WDR25: variants seen among roughly 807,000 people sequenced by gnomAD.
WDR25 encodes WD repeat-containing protein 25.
In WDR25, 35 loss-of-function variants were observed where a neutral mutation model predicts 47.7. That is an observed-to-expected ratio of 0.73 (90% confidence interval 0.56 to 0.97). WDR25 has a LOEUF of 0.97. WDR25 is among the 50% of genes least tolerant of loss of function. The pLI is 0.00. For missense variants in WDR25, 634 were observed against 704.7 expected (o/e 0.90, Z 1.14); for synonymous variants, 248 against 278.9 (o/e 0.89, Z 1.10).
chr14:100,396,060 T>C (rs1170790521), intron 2 of WDR25, among the ~76,000 whole-genome samples: 3 of 146,618 alleles, frequency 2.0e-5, no homozygotes, highest in African/African-American at 7.6e-5. Flanking sequence ...CACTGCAAGC[T>C]CCGCCTTCCG....
intron 4 of WDR25, among the ~76,000 whole-genome samples, chr14:100,497,592 G>A (rs980814993): frequency 6.6e-6 from 1 of 152,154 alleles, no homozygotes. Flanking sequence ...TTTACTTTTC[G>A]AGTCCTCAGG....
rs1424603921 is a variant in WDR25, at chr14:100,381,173, T to C, written c.249T>C (p.Leu83=). The change falls in exon 2 of 7, where the codon CTT becomes CTC. Residue 83 remains leucine, a synonymous_variant. Coordinates refer to ENST00000402312, the MANE Select transcript of WDR25 (RefSeq NM_001161476.3). ...GCTATCGCCTTCCATTGGCTCAGCT[T>C]GGGAGAAGCGATTGGGGATCTTGCC... ...PGGYRLPLAQ[L]GRSDWGSCPS... is the part of the protein sequence containing the mutation. 1 of 1,614,190 alleles carries C rather than the reference T, an allele frequency of 6.2e-7. No individual in the cohort carries two copies. Among genetic ancestry groups the C allele is most frequent in the Non-Finnish European group, 8.5e-7 (1 of 1,180,026 alleles).
intron 1 of WDR25, 114 bp downstream of exon 1, chr14:100,376,609 C>G: frequency 1.6e-6 from 2 of 1,231,968 alleles, no homozygotes; most frequent in East Asian, 3.2e-5. Context: ...CCTTTCACTT[C>G]CTGTTCCTTC....
At chr14:100,519,878 ATG>A (rs1901652465) in intron 4 of WDR25, among the ~76,000 whole-genome samples, 1 of 135,958 alleles carries the variant, frequency 7.4e-6, no homozygotes, top group Non-Finnish European at 1.5e-5. Flanking sequence ...TATACACTAT[ATG>A]TATATATGTA....
At chr14:100,394,903 T>C (rs1477998244) in intron 2 of WDR25, among the ~76,000 whole-genome samples, 1 of 152,086 alleles carries the variant, frequency 6.6e-6, no homozygotes, top group Non-Finnish European at 1.5e-5. Context: ...GAGGATTGCT[T>C]GAGCCCAGGA....
rs1566952130 is a variant in WDR25, at chr14:100,529,822, GGAGGGCTACTCAGTGGGCTGC to G, written c.1420_1440del (p.Gly474_Glu480del). 5.0e-6 allele frequency: 8 copies of G among 1,611,514 alleles called. No individual in the cohort carries two copies. The highest frequency in any genetic ancestry group is 6.8e-6 in the Non-Finnish European group (8 of 1,179,722). On this transcript the variant is annotated inframe_deletion, in exon 7 of 7. Coordinates refer to ENST00000402312, the MANE Select transcript of WDR25 (RefSeq NM_001161476.3). The surrounding 1 kb of genome is among the most constrained non-coding windows in gnomAD (Gnocchi z 5.1). ...ACCCACTGTGTCCCTCTCTGCAGGT[GGAGGGCTACTCAGTGGGCTGC>G]GAGTGCTCCCCAGGCGGTGACTTGC...
rs902126173 is a variant in WDR25, at chr14:100,425,467, C to T, written c.823-42554C>T. The stretch of plus-strand genomic sequence containing the variant: ...TTTGCTATATTCCAAAGCCCCTGCT[C>T]TTTCTACTCCTTCCCCTAGACTGTG... On this transcript the variant is annotated intron_variant, in intron 2 of 6. Coordinates refer to ENST00000402312, the MANE Select transcript of WDR25 (RefSeq NM_001161476.3). This position sits in a 1 kb window ranked among gnomAD's most constrained non-coding sequence, Gnocchi z 4.8. Among the ~76,000 whole-genome samples the T allele has an allele frequency of 4.6e-5, 7 of 152,240 alleles. No homozygotes were observed. The highest frequency in any genetic ancestry group is 8.8e-5 in the Non-Finnish European group (6 of 68,044).
In WDR25 at chr14:100,392,664, C is replaced by T. The variant is rs1897171189; in HGVS notation, c.822+10918C>T. ...CATTCTCTCCCAGCCCTGCCCGCGC[C>T]ACACTGTGCCACCAGCCGCCTCTGC... is the stretch of plus-strand genomic sequence containing the variant. On this transcript the variant is annotated intron_variant, in intron 2 of 6. Transcript: ENST00000402312. The surrounding 1 kb of genome is among the most constrained non-coding windows in gnomAD (Gnocchi z 4.2). Among the ~76,000 whole-genome samples the T allele has an allele frequency of 6.6e-6, 1 of 152,164 alleles. No individual in the cohort carries two copies. Among genetic ancestry groups the T allele is most frequent in the Non-Finnish European group, 1.5e-5 (1 of 68,040 alleles).
In WDR25 at chr14:100,381,178, G is replaced by C. The variant is rs34007610; in HGVS notation, c.254G>C (p.Arg85Thr). The change falls in exon 2 of 7, where the codon AGA becomes ACA. Residue 85 changes from arginine to threonine, a missense_variant. Transcript: ENST00000402312. ...CGCCTTCCATTGGCTCAGCTTGGGA[G>C]AAGCGATTGGGGATCTTGCCCCAGC... ...GYRLPLAQLG[R>T]SDWGSCPSQR... The C allele has an allele frequency of 2.2e-5, 36 of 1,614,098 alleles. No individual in the cohort carries two copies. Among genetic ancestry groups the C allele is most frequent in the Non-Finnish European group, 2.6e-5 (31 of 1,180,048 alleles).
chr14:100,526,782 A>G (rs112907032), intron 5 of WDR25, among the ~76,000 whole-genome samples: 17 of 61,852 alleles, frequency 2.7e-4, no homozygotes, highest in Non-Finnish European at 5.1e-4. Flanking sequence ...CACTACTATC[A>G]TCACCACCAT....
intron 2 of WDR25, among the ~76,000 whole-genome samples, chr14:100,422,045 A>G (rs546152345): frequency 1.9e-4 from 29 of 152,346 alleles, no homozygotes; most frequent in Admixed American, 1.3e-3. Flanking sequence ...TTGCTGTTTA[A>G]TAAGCCACCT....
At chr14:100,490,668 G>A (rs1900532829) in intron 4 of WDR25, among the ~76,000 whole-genome samples, 1 of 152,204 alleles carries the variant, frequency 6.6e-6, no homozygotes, top group Non-Finnish European at 1.5e-5. Context: ...TGGTATGGGT[G>A]CCTAGTGAAA....
chr14:100,473,938 T>C (rs1421999512), intron 3 of WDR25, among the ~76,000 whole-genome samples: 1 of 152,214 alleles, frequency 6.6e-6, no homozygotes, highest in Non-Finnish European at 1.5e-5. Context: ...GAAGAAAGCT[T>C]GTGGGCACAT....
In WDR25 at chr14:100,421,387, C is replaced by T. The variant is rs137941758; in HGVS notation, c.822+39641C>T. ...ATATGCAGCAGGGGGTTGTGAGCCA[C>T]AGTCGTGGCCTTTGGGAAGCTCACA... is the stretch of plus-strand genomic sequence containing the variant. On this transcript the variant is annotated intron_variant, in intron 2 of 6. Coordinates refer to ENST00000402312, the MANE Select transcript of WDR25 (RefSeq NM_001161476.3). 4.0e-3 allele frequency among the ~76,000 whole-genome samples: 616 copies of T among 152,282 alleles called. 2 individuals carry two copies. Among genetic ancestry groups the T allele is most frequent in the African/African-American group, 0.014 (579 of 41,554 alleles).
At chr14:100,414,869 A>C (rs1419642295) in intron 2 of WDR25, among the ~76,000 whole-genome samples, 2 of 150,240 alleles carry the variant, frequency 1.3e-5, no homozygotes, top group Non-Finnish European at 3.0e-5. Flanking sequence ...GCGCCACTGC[A>C]CTCCAGCCTG....
At chr14:100,469,531 T>C (rs1441976961) in intron 3 of WDR25, among the ~76,000 whole-genome samples, 2 of 152,194 alleles carry the variant, frequency 1.3e-5, no homozygotes, top group Non-Finnish European at 2.9e-5. Context: ...GCCATGTCTG[T>C]ACAACTACAG....
Position 100,498,402 on chromosome 14 carries a change from C to G in WDR25, c.1101+14278C>G, listed in dbSNP as rs888040313. On this transcript the variant is annotated intron_variant, in intron 4 of 6. Transcript: ENST00000402312. This position sits in a 1 kb window ranked among gnomAD's most constrained non-coding sequence, Gnocchi z 4.2. ...CTCTGCATGCCCCTTTTCCACCAAA[C>G]AGATTTCTTGGTTTTTAATTACAGT... Among the ~76,000 whole-genome samples, 2 of 152,192 alleles carry G rather than the reference C, an allele frequency of 1.3e-5. No homozygotes were observed. Among genetic ancestry groups the G allele is most frequent in the African/African-American group, 4.8e-5 (2 of 41,452 alleles).
chr14:100,516,294 G>A (rs564617735), intron 4 of WDR25, among the ~76,000 whole-genome samples: 1 of 152,204 alleles, frequency 6.6e-6, no homozygotes, highest in South Asian at 2.1e-4. Flanking sequence ...TGTATTTCAA[G>A]GTTTTCCCCC....
chr14:100,410,110 G>GAGGGAGAC, intron 2 of WDR25, among the ~76,000 whole-genome samples: 1 of 152,196 alleles, frequency 6.6e-6, no homozygotes, highest in African/African-American at 2.4e-5. Flanking sequence ...TGAGTTTCCA[G>GAGGGAGAC]AGGGAGACAG....
Sources: allele counts gnomAD v4.1 joint callset (sites outside exome capture counted in the v4.1 genomes callset), GRCh38; gene constraint gnomAD v4.1.1; non-coding constraint Gnocchi (gnomAD v3.1); transcripts MANE v1.5; gene names NCBI Gene and HGNC (gene_info 2026-07-23, HGNC 2026-07-21).